The following CTNNA3 variants were observed in gnomAD, a reference collection of about 807,000 sequenced individuals.
The protein encoded by CTNNA3 is catenin alpha 3.
In CTNNA3, 76 loss-of-function variants were observed where a neutral mutation model predicts 95.7. The ratio of observed to expected loss-of-function variants is 0.79; its 90% CI spans 0.66 to 0.96. The LOEUF (loss-of-function observed/expected upper bound fraction) is 0.96, where lower values mean the gene tolerates loss of function less well. CTNNA3 is among the 40% of genes least tolerant of loss of function. The pLI is 0.00. For missense variants in CTNNA3, 1,191 were observed against 1,089.8 expected, an observed-to-expected ratio of 1.09 and a Z score of -1.31; for synonymous variants, 431 against 374.4, an observed-to-expected ratio of 1.15 and a Z score of -1.74.
chr10:66,465,333 A>C (rs1838868701), intron 11 of CTNNA3, among the ~76,000 whole-genome samples: 1 of 152,184 alleles, frequency 6.6e-6, no homozygotes, highest in Admixed American at 6.6e-5. Context: ...AGTTGGTTAT[A>C]AAATTTTCAA....
At chr10:66,649,364 T>C (rs1380615855) in intron 9 of CTNNA3, among the ~76,000 whole-genome samples, 4 of 151,972 alleles carry the variant, frequency 2.6e-5, no homozygotes, top group East Asian at 1.9e-4. Flanking sequence ...AAAGAAACCA[T>C]GTGAGAGATT....
intron 13 of CTNNA3, among the ~76,000 whole-genome samples, chr10:66,214,135 C>A (rs987947031): frequency 6.6e-6 from 1 of 152,110 alleles, no homozygotes; most frequent in Non-Finnish European, 1.5e-5. Context: ...TAGCAGCCTG[C>A]CAAACACACA....
chr10:67,326,303 G>A (rs1351427563), intron 5 of CTNNA3, among the ~76,000 whole-genome samples: 3 of 152,150 alleles, frequency 2.0e-5, no homozygotes, highest in Admixed American at 6.5e-5. Flanking sequence ...ACTTGTTTAT[G>A]TAGTTGCTTT....
chr10:67,055,008 G>C (rs944890174), intron 7 of CTNNA3: 3 of 151,594 alleles, frequency 2.0e-5, no homozygotes, highest in African/African-American at 7.3e-5. Context: ...ATAAAATATA[G>C]CTGACTTCGT....
intron 11 of CTNNA3, among the ~76,000 whole-genome samples, chr10:66,393,501 A>C (rs2092950201): frequency 6.6e-6 from 1 of 152,126 alleles, no homozygotes; most frequent in Admixed American, 6.6e-5. Context: ...AATAGGAATA[A>C]AAATATTCAA....
rs145659453 is a variant in CTNNA3 at position 67,133,328 on chromosome 10, T to TATATATATATATATATATATAC, written c.1047+46988_1047+46989insGTATATATATATATATATATAT. Among the ~76,000 whole-genome samples, 17 of 105,334 alleles carry TATATATATATATATATATATAC rather than the reference T, an allele frequency of 1.6e-4. 1 individual carries two copies. The highest frequency in any genetic ancestry group is 7.9e-4 in the East Asian group (3 of 3,800). The allele number at this position is 105,334 out of a possible 152,430, so 69.1% of individuals were successfully genotyped here. On this transcript the variant is annotated intron_variant, in intron 7 of 17. Coordinates refer to ENST00000433211, the MANE Select transcript of CTNNA3 (RefSeq NM_013266.4). The stretch of plus-strand genomic sequence containing the variant: ...CCTGATATATATATATATATATTTA[T>TATATATATATATATATATATAC]ACACACACACACACAATGGTAGATA...
At chr10:66,084,535 A>G (rs2080904778) in intron 14 of CTNNA3, among the ~76,000 whole-genome samples, 1 of 152,234 alleles carries the variant, frequency 6.6e-6, no homozygotes. Flanking sequence ...AGTACCTAAA[A>G]TAGATGTTTA....
chr10:66,507,246 C>T (rs1840480962), intron 11 of CTNNA3, among the ~76,000 whole-genome samples: 1 of 151,750 alleles, frequency 6.6e-6, no homozygotes, highest in South Asian at 2.1e-4. Context: ...ATAAGTGAAA[C>T]ATATTTATGG....
Position 66,246,668 on chromosome 10 carries a change from A to C in CTNNA3, c.1884+33802T>G, listed in dbSNP as rs1175862066. On this transcript the variant is annotated intron_variant, in intron 13 of 17. Coordinates refer to ENST00000433211, the MANE Select transcript of CTNNA3 (RefSeq NM_013266.4). ...TAACAGAGACTGAAATTAAAAAAAA[A>C]AGCAGAAATTCTAGAGTTGAAAAAA... Among the ~76,000 whole-genome samples, 3 of 152,056 alleles carry C rather than the reference A, an allele frequency of 2.0e-5. No individual in the cohort carries two copies. The East Asian group carries it at 5.8e-4, about 29-fold the overall frequency.
At chr10:66,467,171 C>T (rs2131863730) in intron 11 of CTNNA3, among the ~76,000 whole-genome samples, 1 of 152,238 alleles carries the variant, frequency 6.6e-6, no homozygotes, top group East Asian at 1.9e-4. Context: ...ATTTAGGTCT[C>T]AGTCAAGGCA....
intron 9 of CTNNA3, among the ~76,000 whole-genome samples, chr10:66,731,420 C>T (rs1015205963): frequency 7.9e-5 from 12 of 152,008 alleles, no homozygotes; most frequent in Admixed American, 2.0e-4. Flanking sequence ...TTTATTCCCT[C>T]CTTCCCTCCC....
intron 7 of CTNNA3, among the ~76,000 whole-genome samples, chr10:66,920,487 A>G (rs1846733808): frequency 6.6e-6 from 1 of 152,206 alleles, no homozygotes; most frequent in Admixed American, 6.5e-5. Context: ...GGCCATATGC[A>G]AAGATGTTGC....
chr10:66,825,964 A>G (rs1161581487), intron 7 of CTNNA3, among the ~76,000 whole-genome samples: 2 of 152,192 alleles, frequency 1.3e-5, no homozygotes, highest in African/African-American at 4.8e-5. Flanking sequence ...TTTTAGTTCA[A>G]CATGTATATA....
intron 1 of CTNNA3, among the ~76,000 whole-genome samples, chr10:67,679,274 A>T (rs998616775): frequency 2.4e-4 from 37 of 152,150 alleles, no homozygotes; most frequent in Non-Finnish European, 7.4e-5. Flanking sequence ...GCTTCTACCC[A>T]CTAGATGCCA....
At chr10:67,184,779 G>T (rs763309809) in intron 6 of CTNNA3, among the ~76,000 whole-genome samples, 40 of 152,134 alleles carry the variant, frequency 2.6e-4, no homozygotes, top group African/African-American at 9.4e-4. Flanking sequence ...CCATTCTTTT[G>T]CCCAGTCTTC....
chr10:66,350,607 C>T (rs960666945), intron 12 of CTNNA3, among the ~76,000 whole-genome samples: 1 of 120,032 alleles, frequency 8.3e-6, no homozygotes, highest in Non-Finnish European at 2.0e-5. Context: ...GAAAGGGGCT[C>T]CTGAAAAAAA....
At chr10:67,231,086 C>G (rs1249491785) in intron 5 of CTNNA3, among the ~76,000 whole-genome samples, 2 of 152,200 alleles carry the variant, frequency 1.3e-5, no homozygotes, top group African/African-American at 4.8e-5. Flanking sequence ...AAGGCGGCAG[C>G]GAGGCTGGGG....
chr10:66,719,519 C>T (rs1185316597), intron 9 of CTNNA3, among the ~76,000 whole-genome samples: 20 of 152,128 alleles, frequency 1.3e-4, no homozygotes, highest in Middle Eastern at 3.2e-3. Context: ...ATCCAGAATC[C>T]AGTACACAGT....
chr10:66,080,236 C>A (rs2080702002), intron 14 of CTNNA3, among the ~76,000 whole-genome samples: 1 of 152,088 alleles, frequency 6.6e-6, no homozygotes, highest in Admixed American at 6.6e-5. Context: ...CTACTGCATT[C>A]ATTTGAGAGT....
Sources: gnomAD v4.1 joint callset for allele counts (sites outside exome capture counted in the v4.1 genomes callset) on GRCh38, gnomAD v4.1.1 for gene constraint, MANE v1.5 for transcripts, NCBI Gene and HGNC (gene_info 2026-07-23, HGNC 2026-07-21) for gene names.